CC2D1A: variants seen among roughly 807,000 people sequenced by gnomAD.
The protein encoded by CC2D1A is coiled-coil and C2 domain containing 1A.
A neutral mutation model predicts 123.8 loss-of-function variants in CC2D1A; 68 were observed. The observed-to-expected ratio is 0.55, with a 90% CI of 0.45 to 0.67. The LOEUF (loss-of-function observed/expected upper bound fraction) is 0.67, where lower values mean the gene tolerates loss of function less well. Among genes scored for constraint, CC2D1A ranks in the 30% least tolerant of loss-of-function variants. The probability of loss-of-function intolerance (pLI) is 0.00; values close to 1 mark genes in which losing one functional copy is unlikely to be tolerated. For missense variants in CC2D1A, 1,185 were observed against 1,290.3 expected (o/e 0.92, Z 1.25); for synonymous variants, 477 against 528.0 (o/e 0.90, Z 1.32).
chr19:13,923,639 C>T lies in CC2D1A; in HGVS notation c.1823+33C>T, dbSNP rs750546627. 5 of 1,613,316 alleles carry T rather than the reference C, an allele frequency of 3.1e-6. No homozygotes were observed. The highest frequency in any genetic ancestry group is 4.2e-6 in the Non-Finnish European group (5 of 1,179,204). ...CCCTGACCTGTGCCAGACACTTGCA[C>T]CCCCAGCCACCCATCCCCAGGGCCA... On this transcript the variant is annotated intron_variant, in intron 16 of 28. Coordinates refer to ENST00000318003, the MANE Select transcript of CC2D1A (RefSeq NM_017721.5). The surrounding 1 kb of genome is among the most constrained non-coding windows in gnomAD (Gnocchi z 5.3).
rs780794698 is a variant in CC2D1A, at chr19:13,926,804, C to G, written c.2074-17C>G. On this transcript the variant is annotated splice_polypyrimidine_tract_variant and intron_variant, in intron 19 of 28. Coordinates refer to ENST00000318003, the MANE Select transcript of CC2D1A (RefSeq NM_017721.5). ...GTCCCAGGCCCCCTAGATTTCCTGC[C>G]TCCTCTCTGGTCATAGGAAGAAGCT... 1 of 1,614,088 alleles carries G rather than the reference C, an allele frequency of 6.2e-7. No individual in the cohort carries two copies. The highest frequency in any genetic ancestry group is 1.1e-5 in the South Asian group (1 of 91,084).
At chr19:13,926,762 C>T (rs761202980) in intron 19 of CC2D1A, 37 bp downstream of exon 19, 25 of 1,613,860 alleles carry the variant, frequency 1.5e-5, no homozygotes, top group Non-Finnish European at 1.9e-5. Flanking sequence ...GCTGCAGCCT[C>T]AGTGGGCCAA....
intron 1 of CC2D1A, chr19:13,909,618 G>T: frequency 1.5e-6 from 1 of 681,816 alleles, no homozygotes. Context: ...CTTGCCCTTT[G>T]CCCCAGGTTG....
At chr19:13,908,857 C>A (rs745686534) in intron 1 of CC2D1A, among the ~76,000 whole-genome samples, 4 of 152,014 alleles carry the variant, frequency 2.6e-5, no homozygotes, top group Admixed American at 6.6e-5. Context: ...TTCCCTCCCT[C>A]CCTCGCTTCC....
In CC2D1A at chr19:13,906,369, C is replaced by CG; in HGVS notation, c.-72dup. 1 of 1,279,510 alleles carries CG rather than the reference C, an allele frequency of 7.8e-7. No homozygotes were observed. The highest frequency in any genetic ancestry group is 1.1e-6 in the Non-Finnish European group (1 of 950,666). 79.3% of individuals were successfully genotyped at this position (1,279,510 alleles called of 1,614,324 possible). ...GGACTCAGGAAGGGCGAGTGCGCGG[C>CG]GACAGAGCCCGGGGAAGGAGGCAGG... On this transcript the variant is annotated 5_prime_UTR_variant, in exon 1 of 29. Coordinates refer to ENST00000318003, the MANE Select transcript of CC2D1A (RefSeq NM_017721.5). This position sits in a 1 kb window ranked among gnomAD's most constrained non-coding sequence, Gnocchi z 4.1.
At chr19:13,912,221 G>C in intron 2 of CC2D1A, 102 bp from the exon 3 acceptor site, 1 of 1,288,464 alleles carries the variant, frequency 7.8e-7, no homozygotes, top group South Asian at 1.5e-5. Flanking sequence ...AGATGAAATG[G>C]GGAAGTCAGC....
intron 2 of CC2D1A, among the ~76,000 whole-genome samples, chr19:13,911,430 T>C (rs1046573089): frequency 6.6e-6 from 1 of 152,082 alleles, no homozygotes; most frequent in Non-Finnish European, 1.5e-5. Context: ...ACTGTTGTCA[T>C]CCCCGTGTCA....
chr19:13,910,003 A>C, intron 2 of CC2D1A, 45 bp downstream of exon 2: 1 of 1,493,760 alleles, frequency 6.7e-7, no homozygotes, highest in Non-Finnish European at 8.9e-7. Context: ...GATCTCCTGC[A>C]AGTGGTTCGG....
At chr19:13,914,568 T>C (rs1289896723) in intron 6 of CC2D1A, among the ~76,000 whole-genome samples, 3 of 151,826 alleles carry the variant, frequency 2.0e-5, no homozygotes, top group Non-Finnish European at 4.4e-5. Context: ...TCTCCTGACC[T>C]TGTGATCTGC....
chr19:13,925,972 A>G (rs1180678948), intron 17 of CC2D1A, among the ~76,000 whole-genome samples: 1 of 105,384 alleles, frequency 9.5e-6, no homozygotes, highest in African/African-American at 4.5e-5. Flanking sequence ...ACGTATATAT[A>G]TGTGTATATA....
At chr19:13,914,641 C>CTT (rs747859570) in intron 6 of CC2D1A, among the ~76,000 whole-genome samples, 4 of 131,594 alleles carry the variant, frequency 3.0e-5, no homozygotes, top group Non-Finnish European at 3.3e-5. Flanking sequence ...GCCTCATCGC[C>CTT]TTTTTTTTTT....
At chr19:13,910,236 A>G (rs953562797) in intron 2 of CC2D1A, among the ~76,000 whole-genome samples, 1 of 150,440 alleles carries the variant, frequency 6.6e-6, no homozygotes, top group African/African-American at 2.5e-5. Flanking sequence ...GTCTCTACTA[A>G]AAATACAAAA....
intron 2 of CC2D1A, among the ~76,000 whole-genome samples, chr19:13,910,277 G>A (rs1017345330): frequency 2.6e-5 from 4 of 151,332 alleles, no homozygotes; most frequent in Non-Finnish European, 4.4e-5. Flanking sequence ...GCGTGGTGGC[G>A]GGCGCCTGTA....
intron 6 of CC2D1A, among the ~76,000 whole-genome samples, chr19:13,915,818 T>A (rs976011981): frequency 6.6e-6 from 1 of 151,832 alleles, no homozygotes; most frequent in South Asian, 2.1e-4. Flanking sequence ...CAGAGCAAGA[T>A]CTTATCTCTA....
chr19:13,928,092 A>G, intron 23 of CC2D1A, 32 bp from the exon 24 acceptor site: 3 of 1,556,426 alleles, frequency 1.9e-6, no homozygotes, highest in Non-Finnish European at 2.6e-6. Context: ...TCAGGGGCCC[A>G]GGACTCACAG....
intron 6 of CC2D1A, among the ~76,000 whole-genome samples, chr19:13,915,289 A>G (rs1971164384): frequency 1.3e-5 from 2 of 152,244 alleles, no homozygotes; most frequent in South Asian, 4.1e-4. Flanking sequence ...TCTTGTTTCC[A>G]GGCTGGAGTG....
intron 24 of CC2D1A, among the ~76,000 whole-genome samples, chr19:13,928,854 A>G (rs1388802830): frequency 6.6e-6 from 1 of 151,444 alleles, no homozygotes; most frequent in African/African-American, 2.4e-5. Context: ...GATTACAGGC[A>G]TGCGCCACCA....
chr19:13,921,122 A>C (rs186455229), intron 14 of CC2D1A, among the ~76,000 whole-genome samples, 200 bp downstream of exon 14: 28 of 152,326 alleles, frequency 1.8e-4, no homozygotes, highest in African/African-American at 3.8e-4. Flanking sequence ...GGGCTCTGCA[A>C]ATGGGAGGTC....
chr19:13,911,119 G>A (rs778758930), intron 2 of CC2D1A, among the ~76,000 whole-genome samples: 3 of 151,638 alleles, frequency 2.0e-5, no homozygotes, highest in Admixed American at 6.6e-5. Context: ...CCAGCTACTC[G>A]GGAGGCTGAG....
Sources: gnomAD v4.1 joint callset for allele counts (sites outside exome capture counted in the v4.1 genomes callset) on GRCh38, gnomAD v4.1.1 for gene constraint, Gnocchi (gnomAD v3.1) non-coding constraint, MANE v1.5 for transcripts, NCBI Gene and HGNC (gene_info 2026-07-23, HGNC 2026-07-21) for gene names.